Variants in RNPC3 observed in about 807,000 individuals in gnomAD.
RNPC3 encodes the protein RNA binding region (RNP1, RRM) containing 3.
Under a neutral mutation model 67.5 loss-of-function variants are expected in RNPC3, and 48 were observed. That is an observed-to-expected ratio of 0.71 (90% CI 0.56 to 0.90). The LOEUF (loss-of-function observed/expected upper bound fraction) is 0.90. RNPC3 is among the 40% of genes least tolerant of loss of function. The probability of loss-of-function intolerance (pLI) is 0.00; values close to 1 mark genes in which losing one functional copy is unlikely to be tolerated. For synonymous variants in RNPC3, 239 were observed against 210.3 expected, an observed-to-expected ratio of 1.14 and a Z score of -1.18; for missense variants, 637 against 626.1, an observed-to-expected ratio of 1.02 and a Z score of -0.19.
intron 3 of RNPC3, 135 bp downstream of exon 3, chr1:103,533,992 C>G (rs1490329352): frequency 3.3e-6 from 2 of 611,036 alleles, no homozygotes; most frequent in African/African-American, 1.9e-5. Flanking sequence ...TTCCATTAAA[C>G]CTAGTACAGT....
Position 103,526,075 on chromosome 1 carries a change from C to T in RNPC3, c.5C>T (p.Ala2Val), listed in dbSNP as rs1254319580. ...GTTTTTGCTTCTCCAAGGAAAATGG[C>T]AGCTCCCGAGCAGCCGCTTGCGATA... MAAPEQPLAISR... is the reference protein window; with the variant it reads MVAPEQPLAISR... Residue 2 changes from alanine to valine, a missense_variant, in exon 1 of 15, where the codon GCA becomes GTA. Transcript: ENST00000423855. 6.6e-7 allele frequency: 1 copy of T among 1,526,382 alleles called. No individual in the cohort carries two copies. Among genetic ancestry groups the T allele is most frequent in the Admixed American group, 2.1e-5 (1 of 47,656 alleles). 94.6% of individuals were successfully genotyped at this position (1,526,382 alleles called of 1,614,324 possible).
Position 103,534,870 on chromosome 1 carries a change from G to A in RNPC3, c.443+13G>A, listed in dbSNP as rs569974554. ...CACCAAACCATGGGTTAGCATTTTT[G>A]TTTGCTTTTCTTTTGCTTTTGTTCT... is the stretch of plus-strand genomic sequence containing the variant. On this transcript the variant is annotated intron_variant, in intron 4 of 14. Coordinates refer to ENST00000423855, the MANE Select transcript of RNPC3 (RefSeq NM_017619.4). The A allele has an allele frequency of 2.0e-6, 3 of 1,495,190 alleles. No homozygotes were observed. The highest frequency in any genetic ancestry group is 2.5e-5 in the South Asian group (2 of 81,348). The allele number at this position is 1,495,190 out of a possible 1,614,324, so 92.6% of individuals were successfully genotyped here.
At chr1:103,533,690 C>T in intron 2 of RNPC3, 49 bp from the exon 3 acceptor site, 2 of 988,050 alleles carry the variant, frequency 2.0e-6, no homozygotes, top group Admixed American at 2.3e-5. Context: ...TCTAACGAAT[C>T]ATTTTTGGTA....
chr1:103,530,126 T>C (rs1650814055), intron 2 of RNPC3, among the ~76,000 whole-genome samples: 1 of 146,346 alleles, frequency 6.8e-6, no homozygotes, highest in Non-Finnish European at 1.5e-5. Flanking sequence ...GCTTGTACTT[T>C]CATGTGTTCA....
chr1:103,551,926 A>G (rs1651399730), intron 14 of RNPC3, 134 bp downstream of exon 14: 1 of 504,230 alleles, frequency 2.0e-6, no homozygotes, highest in Non-Finnish European at 3.5e-6. Flanking sequence ...TGTGCAGTTA[A>G]GTCCCATTAA....
intron 12 of RNPC3, among the ~76,000 whole-genome samples, chr1:103,548,722 G>C (rs1367847619): frequency 1.3e-5 from 2 of 152,076 alleles, no homozygotes; most frequent in Non-Finnish European, 1.5e-5. Context: ...CCACATTTTT[G>C]GGTATCTTTT....
At chr1:103,549,303 A>G (rs1651324531) in intron 12 of RNPC3, among the ~76,000 whole-genome samples, 1 of 152,224 alleles carries the variant, frequency 6.6e-6, no homozygotes. Context: ...TTTTGTTTTA[A>G]TCTTCAAGTG....
At chr1:103,550,820 A>G (rs1279250973) in intron 12 of RNPC3, 121 bp from the exon 13 acceptor site, 12 of 877,134 alleles carry the variant, frequency 1.4e-5, no homozygotes, top group East Asian at 1.0e-4. Flanking sequence ...TGAATAATTG[A>G]CGTGCCTATC....
At chr1:103,553,516 C>G (rs1260184836) in intron 14 of RNPC3, 1 of 152,122 alleles carries the variant, frequency 6.6e-6, no homozygotes, top group Non-Finnish European at 1.5e-5. Flanking sequence ...ATTTTCTGTG[C>G]TGTCCTTTAT....
chr1:103,550,110 G>C lies in RNPC3; in HGVS notation c.1362-831G>C, dbSNP rs141236586. Reference sequence around the variant, plus strand: ...ACCCAGGAGGTGGAGGTTGCACTGAGCCAAGATCACGCCACTGCACTCCAG... The same window carrying C: ...ACCCAGGAGGTGGAGGTTGCACTGACCCAAGATCACGCCACTGCACTCCAG... On this transcript the variant is annotated intron_variant, in intron 12 of 14. Coordinates refer to ENST00000423855, the MANE Select transcript of RNPC3 (RefSeq NM_017619.4). 5.3e-3 allele frequency among the ~76,000 whole-genome samples: 804 copies of C among 152,020 alleles called. 9 individuals carry two copies. Among genetic ancestry groups the C allele is most frequent in the African/African-American group, 0.019 (779 of 41,436 alleles).
chr1:103,553,205 T>A (rs1651441627), intron 14 of RNPC3: 1 of 152,212 alleles, frequency 6.6e-6, no homozygotes, highest in South Asian at 2.1e-4. Context: ...TTTTTAAACA[T>A]CATTTATTTT....
In RNPC3 at chr1:103,533,752, T is replaced by TC; in HGVS notation, c.256dup (p.His86ProfsTer13). The TC allele has an allele frequency of 1.3e-6, 2 of 1,525,432 alleles. No individual in the cohort carries two copies. Among genetic ancestry groups the TC allele is most frequent in the Non-Finnish European group, 1.8e-6 (2 of 1,137,316 alleles). The allele number at this position is 1,525,432 out of a possible 1,614,324, so 94.5% of individuals were successfully genotyped here. A position where few individuals can be genotyped will look rare whatever the true frequency, so the allele number is the denominator to read the frequency against. On this transcript the variant is annotated frameshift_variant, in exon 3 of 15. Coordinates refer to ENST00000423855, the MANE Select transcript of RNPC3 (RefSeq NM_017619.4). LOFTEE classifies it high-confidence loss of function. ...TTTTAACTGAAGGCATTGACAAGAC[T>TC]CCATCAACTGAAACTTTTAGGTCAT...
Position 103,537,338 on chromosome 1 carries a change from T to G in RNPC3, c.625-4T>G. 1 of 1,521,256 alleles carries G rather than the reference T, an allele frequency of 6.6e-7. No individual in the cohort carries two copies. The highest frequency in any genetic ancestry group is 2.5e-5 in the East Asian group (1 of 40,778). 94.2% of individuals were successfully genotyped at this position (1,521,256 alleles called of 1,614,324 possible). Reference sequence around the variant, plus strand: ...TAGTATTTTTGTTTTATTCTTTTAATTAGTATGAAGACTATATGCCATTGC... The same window carrying G: ...TAGTATTTTTGTTTTATTCTTTTAAGTAGTATGAAGACTATATGCCATTGC... On this transcript the variant is annotated splice_region_variant and splice_polypyrimidine_tract_variant and intron_variant, in intron 6 of 14. Transcript: ENST00000423855.
intron 12 of RNPC3, among the ~76,000 whole-genome samples, chr1:103,550,352 C>A (rs2101053362): frequency 6.6e-6 from 1 of 151,380 alleles, no homozygotes; most frequent in East Asian, 2.0e-4. Context: ...AAGAAGTTTG[C>A]AGCCAGTGCG....
intron 10 of RNPC3, 140 bp downstream of exon 10, chr1:103,545,242 ACTT>A (rs749106442): frequency 1.6e-5 from 10 of 639,968 alleles, no homozygotes; most frequent in Admixed American, 1.1e-4. Context: ...GTTTGTAATC[ACTT>A]CTTCTGTTTT....
At chr1:103,538,778 C>T (rs1651054368) in intron 7 of RNPC3, among the ~76,000 whole-genome samples, 1 of 152,150 alleles carries the variant, frequency 6.6e-6, no homozygotes, top group South Asian at 2.1e-4. Flanking sequence ...GGATTTCATA[C>T]AAAACTATAA....
chr1:103,547,051 A>G lies in RNPC3; in HGVS notation c.1361+16A>G, dbSNP rs1371995205. The stretch of plus-strand genomic sequence containing the variant: ...AGCGGATCATGTAAGTGACAGTAAA[A>G]TACAATCTTCAATTATATTTTGTTT... On this transcript the variant is annotated intron_variant, in intron 12 of 14. Transcript: ENST00000423855. The G allele has an allele frequency of 7.1e-7, 1 of 1,405,072 alleles. No individual in the cohort carries two copies. Among genetic ancestry groups the G allele is most frequent in the Admixed American group, 2.3e-5 (1 of 42,944 alleles). The allele number at this position is 1,405,072 out of a possible 1,614,324, so 87.0% of individuals were successfully genotyped here.
Position 103,526,012 on chromosome 1 carries a change from T to G in RNPC3, c.-59T>G. 7.4e-7 allele frequency: 1 copy of G among 1,349,626 alleles called. No homozygotes were observed. The highest frequency in any genetic ancestry group is 1.0e-6 in the Non-Finnish European group (1 of 995,550). The allele number at this position is 1,349,626 out of a possible 1,614,324, so 83.6% of individuals were successfully genotyped here. On this transcript the variant is annotated 5_prime_UTR_variant, in exon 1 of 15. It removes an upstream start codon present in the reference 5' UTR. Coordinates refer to ENST00000423855, the MANE Select transcript of RNPC3 (RefSeq NM_017619.4). ...AAATATTTCTCCCAGCTTGTGTTGA[T>G]GCCGCGATTTTGACTGAGACTTCTT...
chr1:103,535,302 A>G (rs761577166), intron 4 of RNPC3, 28 bp from the exon 5 acceptor site: 1 of 1,386,454 alleles, frequency 7.2e-7, no homozygotes, highest in South Asian at 1.2e-5. Context: ...TGAAAACATA[A>G]GCATCTTAAA....
Sources: gnomAD v4.1 joint callset for allele counts (sites outside exome capture counted in the v4.1 genomes callset) on GRCh38, gnomAD v4.1.1 for gene constraint, MANE v1.5 for transcripts, NCBI Gene and HGNC (gene_info 2026-07-23, HGNC 2026-07-21) for gene names.